The following OR51B5 variants were observed in gnomAD, a reference collection of about 807,000 sequenced individuals.
The protein encoded by OR51B5 is olfactory receptor family 51 subfamily B member 5, also known as olfactory receptor 51B5.
For missense variants in OR51B5, 456 were observed against 374.6 expected (o/e 1.22, Z -1.79); for synonymous variants, 186 against 144.8 (o/e 1.28, Z -2.04).
At chr11:5,370,717 G>T (rs972484796) in intron 1 of OR51B5, among the ~76,000 whole-genome samples, 1 of 152,142 alleles carries the variant, frequency 6.6e-6, no homozygotes, top group Non-Finnish European at 1.5e-5. Flanking sequence ...TTCCTATGAA[G>T]CTTGTATTTT....
chr11:5,401,292 A>G (rs893952306), intron 1 of OR51B5, among the ~76,000 whole-genome samples: 1 of 152,234 alleles, frequency 6.6e-6, no homozygotes, highest in South Asian at 2.1e-4. Flanking sequence ...AGAACTGTTG[A>G]GTCAACAGAT....
intron 1 of OR51B5, chr11:5,351,532 A>G: frequency 1.2e-6 from 2 of 1,613,122 alleles, no homozygotes; most frequent in Non-Finnish European, 1.7e-6. Flanking sequence ...GTCTGCTTCC[A>G]CCTTCCAGCT....
chr11:5,374,919 A>T (rs1213184465), intron 1 of OR51B5, among the ~76,000 whole-genome samples: 1 of 152,022 alleles, frequency 6.6e-6, no homozygotes, highest in Non-Finnish European at 1.5e-5. Flanking sequence ...GCAGGATATT[A>T]TCCAGGAGAA....
In OR51B5 at chr11:5,482,037, T is replaced by C. The variant is rs1413189557; in HGVS notation, n.84+23532A>G. Among the ~76,000 whole-genome samples the C allele has an allele frequency of 5.2e-3, 624 of 119,710 alleles. 39 individuals carry two copies. Among genetic ancestry groups the C allele is most frequent in the Non-Finnish European group, 7.9e-3 (478 of 60,166 alleles). 78.5% of individuals were successfully genotyped at this position (119,710 alleles called of 152,430 possible). A position where few individuals can be genotyped will look rare whatever the true frequency, so the allele number is the denominator to read the frequency against. On this transcript the variant is annotated intron_variant and non_coding_transcript_variant, in intron 1 of 4. Coordinates refer to the OR51B5 transcript ENST00000415970. ...GTTCATATGGAACCAAAAAAGAGCC[T>C]GCATCACCAAGGCAATCCTAAGCCA...
At chr11:5,450,199 G>A (rs1298840872) in intron 1 of OR51B5, among the ~76,000 whole-genome samples, 4 of 151,738 alleles carry the variant, frequency 2.6e-5, no homozygotes, top group Non-Finnish European at 4.4e-5. Context: ...GACCAGCCTG[G>A]CCAATATGGT....
At chr11:5,366,403 T>A (rs1849368223) in intron 1 of OR51B5, among the ~76,000 whole-genome samples, 1 of 152,032 alleles carries the variant, frequency 6.6e-6, no homozygotes, top group South Asian at 2.1e-4. Flanking sequence ...GGGCAAGAGT[T>A]CGAGACCAGC....
At chr11:5,350,142 C>A (rs7483786) in intron 1 of OR51B5, among the ~76,000 whole-genome samples, 3 of 152,104 alleles carry the variant, frequency 2.0e-5, no homozygotes, top group Non-Finnish European at 2.9e-5. Flanking sequence ...AAATTATCCA[C>A]TCTTTACAAA....
chr11:5,499,159 T>G (rs1391081053), intron 1 of OR51B5, among the ~76,000 whole-genome samples: 1 of 152,218 alleles, frequency 6.6e-6, no homozygotes, highest in Non-Finnish European at 1.5e-5. Context: ...GACCTAGGTT[T>G]TCTTAAATGA....
rs1264144719 is a variant in OR51B5, at chr11:5,360,517, G to A, written n.85-13607C>T. Among the ~76,000 whole-genome samples the A allele has an allele frequency of 8.4e-4, 128 of 151,526 alleles. 1 individual carries two copies. The highest frequency in any genetic ancestry group is 3.0e-3 in the African/African-American group (122 of 41,310). On this transcript the variant is annotated intron_variant and non_coding_transcript_variant, in intron 1 of 4. Coordinates refer to the OR51B5 transcript ENST00000415970. ...CAGGTGCTGGAGAGGATGTGAAGAA[G>A]TAGGAACACTTTTACACTGTTGGTG...
chr11:5,461,751 A>G (rs1851057591), intron 1 of OR51B5, among the ~76,000 whole-genome samples: 4 of 152,170 alleles, frequency 2.6e-5, no homozygotes, highest in Admixed American at 2.6e-4. Flanking sequence ...GGTCTGTGGC[A>G]AGAGTGGGTC....
chr11:5,368,464 T>TG (rs1849406449), intron 1 of OR51B5, among the ~76,000 whole-genome samples: 2 of 151,978 alleles, frequency 1.3e-5, no homozygotes, highest in Non-Finnish European at 2.9e-5. Flanking sequence ...AAATCATTGC[T>TG]ATTATTACTA....
At chr11:5,492,587 A>C (rs895522877) in intron 1 of OR51B5, among the ~76,000 whole-genome samples, 3 of 152,166 alleles carry the variant, frequency 2.0e-5, no homozygotes, top group Non-Finnish European at 1.5e-5. Context: ...ACCTGTTCCA[A>C]GGGAATTGAT....
intron 1 of OR51B5, among the ~76,000 whole-genome samples, chr11:5,421,755 A>G (rs10768949): frequency 0.39 from 59,412 of 152,074 alleles, 13,096 homozygotes; most frequent in Non-Finnish European, 0.5. Context: ...ACAAAAGTCA[A>G]AGGAGATATT....
chr11:5,440,930 A>C, intron 1 of OR51B5: 2 of 1,613,926 alleles, frequency 1.2e-6, no homozygotes, highest in Non-Finnish European at 1.7e-6. Context: ...TGTTGTTAAC[A>C]TGGATGTCTC....
At chr11:5,450,439 T>TA (rs1229682478) in intron 1 of OR51B5, among the ~76,000 whole-genome samples, 1 of 152,078 alleles carries the variant, frequency 6.6e-6, no homozygotes, top group African/African-American at 2.4e-5. Context: ...GACATAGGTC[T>TA]AAAAAAAGAA....
chr11:5,441,434 G>A lies in OR51B5; in HGVS notation n.84+64135C>T, dbSNP rs752709848. ...GGATGCAGAAAATCAGGGCAACCCA[G>A]GTGAGGCCTGTTTGTATCCCAGGAA... On this transcript the variant is annotated intron_variant and non_coding_transcript_variant, in intron 1 of 4. Transcript: ENST00000415970. The A allele has an allele frequency of 9.9e-6, 16 of 1,613,948 alleles. No homozygotes were observed. In the South Asian group the frequency reaches 1.8e-4, roughly 18 times the overall value.
intron 1 of OR51B5, among the ~76,000 whole-genome samples, chr11:5,457,069 A>T (rs1850971490): frequency 6.6e-6 from 1 of 152,192 alleles, no homozygotes; most frequent in African/African-American, 2.4e-5. Context: ...CTTTACAGCA[A>T]TGTGAAAATG....
At chr11:5,497,928 A>G (rs1176240377) in intron 1 of OR51B5, among the ~76,000 whole-genome samples, 2 of 152,128 alleles carry the variant, frequency 1.3e-5, no homozygotes. Context: ...AATGCATTTG[A>G]CACGTTTATT....
chr11:5,499,129 G>T (rs947959201), intron 1 of OR51B5, among the ~76,000 whole-genome samples: 2 of 152,206 alleles, frequency 1.3e-5, no homozygotes, highest in African/African-American at 4.8e-5. Flanking sequence ...AGGGCACAAA[G>T]TTCAACTGCT....
Sources: gnomAD v4.1 joint callset for allele counts (sites outside exome capture counted in the v4.1 genomes callset) on GRCh38, gnomAD v4.1.1 for gene constraint, MANE v1.5 for transcripts, NCBI Gene and HGNC (gene_info 2026-07-23, HGNC 2026-07-21) for gene names.